Variants in PHF10 observed in about 807,000 individuals in gnomAD.
PHF10 encodes BRG1-associated factor 45a.
PHF10 carries 51 observed loss-of-function variants against 68.5 expected under a neutral mutation model. The observed-to-expected ratio is 0.74, with a 90% CI of 0.59 to 0.94. PHF10 has a LOEUF of 0.94. Ranked by LOEUF, PHF10 falls within the 40% of genes least tolerant of loss-of-function variation. PHF10 has a pLI of 0.00. For missense variants in PHF10, 460 were observed against 602.6 expected (o/e 0.76, Z 2.48); for synonymous variants, 204 against 203.5 (o/e 1.00, Z -0.02).
chr6:169,715,940 A>G lies in PHF10; in HGVS notation c.543+15T>C. The G allele has an allele frequency of 3.8e-6, 6 of 1,597,086 alleles. No homozygotes were observed. The highest frequency in any genetic ancestry group is 5.1e-6 in the Non-Finnish European group (6 of 1,171,330). ...CCAACCCAAATAAAAAATGCCAGTCACCTCAATTACTTACGGAATACTCTT... is the reference window on the plus strand; with the variant it reads ...CCAACCCAAATAAAAAATGCCAGTCGCCTCAATTACTTACGGAATACTCTT... On this transcript the variant is annotated intron_variant, in intron 5 of 11. Coordinates refer to ENST00000339209, the MANE Select transcript of PHF10 (RefSeq NM_018288.4).
chr6:169,721,779 T>C (rs893029318), intron 1 of PHF10, among the ~76,000 whole-genome samples: 12 of 152,162 alleles, frequency 7.9e-5, no homozygotes, highest in Non-Finnish European at 1.6e-4. Context: ...GTATCAGATG[T>C]TAGGAAATTG....
At position 169,705,658 on chromosome 6, in the gene PHF10, T is replaced by C. The variant is rs1788758123; in HGVS notation, c.1180A>G (p.Lys394Glu). The C allele has an allele frequency of 1.3e-6, 2 of 1,583,646 alleles. No homozygotes were observed. Among genetic ancestry groups the C allele is most frequent in the Non-Finnish European group, 1.7e-6 (2 of 1,152,456 alleles). The change falls in exon 10 of 12, where the codon AAG (lysine) becomes GAG (glutamate). Residue 394 changes from lysine (K) to glutamate (E), a missense_variant. Transcript: ENST00000339209. ...LKGKESNKKG[K>E]AESLIHCSQC... Reference sequence around the variant, plus strand: ...GAGCAGTGTATAAGTGATTCAGCCTTTCCTTTCTTGTTGGACTCCTTACCC... The same window carrying C: ...GAGCAGTGTATAAGTGATTCAGCCTCTCCTTTCTTGTTGGACTCCTTACCC...
intron 11 of PHF10, 25 bp from the exon 12 acceptor site, chr6:169,704,113 A>G (rs765277749): frequency 6.4e-7 from 1 of 1,551,696 alleles, no homozygotes; most frequent in Admixed American, 2.2e-5. Flanking sequence ...GTTAATATAG[A>G]ATGAAAAATT....
Position 169,714,738 on chromosome 6 carries a change from A to G in PHF10, c.798T>C (p.Tyr266=), listed in dbSNP as rs1789005116. The G allele has an allele frequency of 6.7e-7, 1 of 1,487,034 alleles. No individual in the cohort carries two copies. The allele number at this position is 1,487,034 out of a possible 1,614,324, so 92.1% of individuals were successfully genotyped here. Residue 266 remains tyrosine, a synonymous_variant, in exon 7 of 12, where the codon TAT becomes TAC. Transcript: ENST00000339209. ...ALIPGQFQEY[Y]KRYSPDELRY... ...TAACTAAAACTACTAAATACCTCTT[A>G]TAATATTCCTGGAACTGTCCGGGGA...
At chr6:169,704,755 T>C in intron 11 of PHF10, 1 of 177,418 alleles carries the variant, frequency 5.6e-6, no homozygotes, top group Admixed American at 6.4e-5. Flanking sequence ...TCATGCTGCC[T>C]CAATTTACAG....
rs868126158 is a variant in PHF10, at chr6:169,713,616, A to G, written c.804-1077T>C. On this transcript the variant is annotated intron_variant, in intron 7 of 11. Coordinates refer to ENST00000339209, the MANE Select transcript of PHF10 (RefSeq NM_018288.4). ...TCCATCTCAAAAAAAAAAAAAAAAA[A>G]TTTGAAGAAAAACTTTTAAAAAATT... Among the ~76,000 whole-genome samples the G allele has an allele frequency of 3.3e-5, 5 of 151,722 alleles. No individual in the cohort carries two copies. In the South Asian group the frequency reaches 1.0e-3, roughly 31 times the overall value.
At chr6:169,723,140 C>G (rs943404244) in intron 1 of PHF10, among the ~76,000 whole-genome samples, 1 of 152,188 alleles carries the variant, frequency 6.6e-6, no homozygotes, top group African/African-American at 2.4e-5. Flanking sequence ...CATTCCAGTT[C>G]CCACCGCCTT....
At chr6:169,704,314 C>T (rs535289405) in intron 11 of PHF10, 23 of 491,050 alleles carry the variant, frequency 4.7e-5, no homozygotes, top group Non-Finnish European at 7.2e-5. Context: ...GGGAGAGATG[C>T]AATGCCATAC....
intron 7 of PHF10, among the ~76,000 whole-genome samples, chr6:169,713,767 G>A (rs368900059): frequency 6.6e-6 from 1 of 152,076 alleles, no homozygotes; most frequent in African/African-American, 2.4e-5. Context: ...CTAAAAAATA[G>A]TATATTATGA....
chr6:169,714,622 A>T, intron 7 of PHF10, 111 bp downstream of exon 7: 1 of 696,402 alleles, frequency 1.4e-6, no homozygotes, highest in Non-Finnish European at 2.6e-6. Flanking sequence ...ATCCTATACG[A>T]TATCTTACGG....
At position 169,716,077 on chromosome 6, in the gene PHF10, A is replaced by C; in HGVS notation, c.421T>G (p.Leu141Val). 1 of 1,592,286 alleles carries C rather than the reference A, an allele frequency of 6.3e-7. No individual in the cohort carries two copies. Residue 141 changes from leucine to valine, a missense_variant, in exon 5 of 12, where the codon TTG (leucine) becomes GTG (valine). By Grantham distance (32) the Leu-to-Val change is conservative (BLOSUM62 1). Transcript: ENST00000339209. ...ETQCTLGLTA[L>V]RSDEVIDLMI... Reference sequence around the variant, plus strand: ...AAATCAATCACTTCATCACTGCGCAATGCTGTTAAGCCTATTTTAGACCAA... The same window carrying C: ...AAATCAATCACTTCATCACTGCGCACTGCTGTTAAGCCTATTTTAGACCAA...
chr6:169,704,492 G>C (rs573750100), intron 11 of PHF10: 1 of 187,712 alleles, frequency 5.3e-6, no homozygotes, highest in East Asian at 1.6e-4. Context: ...GGTGTACTCT[G>C]CTGACAGCAC....
chr6:169,704,937 T>C, intron 11 of PHF10, 196 bp downstream of exon 11: 1 of 425,944 alleles, frequency 2.3e-6, no homozygotes, highest in Non-Finnish European at 4.3e-6. Flanking sequence ...CATTCTGGCC[T>C]TTCACTTATC....
intron 4 of PHF10, among the ~76,000 whole-genome samples, chr6:169,717,030 G>A (rs534647031): frequency 6.3e-4 from 96 of 152,300 alleles, no homozygotes; most frequent in South Asian, 4.1e-3. Flanking sequence ...AAGGTGGGTG[G>A]ATCACAAGGT....
chr6:169,709,083 A>G (rs1450938778), intron 9 of PHF10: 3 of 152,216 alleles, frequency 2.0e-5, no homozygotes, highest in Non-Finnish European at 4.4e-5. Flanking sequence ...AAAAAAAAAA[A>G]AGAATTTTTA....
intron 3 of PHF10, among the ~76,000 whole-genome samples, chr6:169,718,439 A>AT (rs1789101945): frequency 1.3e-5 from 2 of 152,202 alleles, no homozygotes; most frequent in African/African-American, 2.4e-5. Context: ...AGGCAGCAGG[A>AT]TAGCTTGAAG....
intron 2 of PHF10, 38 bp downstream of exon 2, chr6:169,720,967 A>T: frequency 9.0e-7 from 1 of 1,113,882 alleles, no homozygotes; most frequent in South Asian, 1.4e-5. Flanking sequence ...AAAGAGGAAC[A>T]TCACAAAAAA....
intron 11 of PHF10, chr6:169,704,853 T>C (rs1788718546): frequency 3.3e-6 from 1 of 304,916 alleles, no homozygotes; most frequent in Non-Finnish European, 6.3e-6. Context: ...AAATAAAGGC[T>C]TTGTTACTTT....
chr6:169,723,776 C>A (rs1205952436), intron 1 of PHF10, 69 bp downstream of exon 1: 3 of 469,586 alleles, frequency 6.4e-6, no homozygotes, highest in Non-Finnish European at 6.1e-6. Context: ...GCCGGTGGGA[C>A]TGGGCCCACG....
Sources: gnomAD v4.1 joint callset for allele counts (sites outside exome capture counted in the v4.1 genomes callset) on GRCh38, gnomAD v4.1.1 for gene constraint, MANE v1.5 for transcripts, NCBI Gene and HGNC (gene_info 2026-07-23, HGNC 2026-07-21) for gene names.